Variants in KIF7 observed in about 807,000 individuals in gnomAD.
KIF7 encodes the protein kinesin family member 7, also known as kinesin-like protein KIF7.
A neutral mutation model predicts 135.7 loss-of-function variants in KIF7; 104 were observed. The observed-to-expected ratio is 0.77, with a 90% confidence interval of 0.65 to 0.90. KIF7 has a LOEUF of 0.90. Ranked by LOEUF, KIF7 falls within the 40% of genes least tolerant of loss-of-function variation. KIF7 has a pLI of 0.00. For missense variants in KIF7, 2,005 were observed against 1,839.1 expected (o/e 1.09, Z -1.65); for synonymous variants, 883 against 809.4 (o/e 1.09, Z -1.54).
chr15:89,649,260 G>A lies in KIF7; in HGVS notation c.637C>T (p.Leu213=). The A allele has an allele frequency of 6.5e-7, 1 of 1,526,942 alleles. No individual in the cohort carries two copies. The highest frequency in any genetic ancestry group is 8.8e-7 in the Non-Finnish European group (1 of 1,131,886). 94.6% of individuals were successfully genotyped at this position (1,526,942 alleles called of 1,614,324 possible). ...RHTGATHLNH[L]SSRSHTVFTV... is the part of the protein sequence containing the mutation. Reference sequence around the variant, plus strand: ...AAGACCGTGTGTGAGCGGCTAGACAGGTGGTTGAGGTGCGTGGCTCCCGTG... The same window carrying A: ...AAGACCGTGTGTGAGCGGCTAGACAAGTGGTTGAGGTGCGTGGCTCCCGTG... The change falls in exon 4 of 19, where the codon CTG becomes TTG. Residue 213 remains leucine, a synonymous_variant. Coordinates refer to ENST00000394412, the MANE Select transcript of KIF7 (RefSeq NM_198525.3).
upstream of KIF7, among the ~76,000 whole-genome samples, chr15:89,659,929 G>T (rs1169238903): frequency 6.6e-6 from 1 of 152,246 alleles, no homozygotes; most frequent in Non-Finnish European, 1.5e-5. Flanking sequence ...GGGCATGGTA[G>T]CTCATGCCTG....
chr15:89,624,703 A>C (rs199878677), downstream of KIF7: 12 of 1,613,730 alleles, frequency 7.4e-6, no homozygotes, highest in Non-Finnish European at 8.5e-7. Flanking sequence ...AGAGCATGTC[A>C]CTCTCCTCAG....
chr15:89,625,677 G>C (rs1963509183), downstream of KIF7: 1 of 1,613,690 alleles, frequency 6.2e-7, no homozygotes, highest in Non-Finnish European at 8.5e-7. Flanking sequence ...GAGCCAAAAG[G>C]ATCTGTGACC....
In KIF7 at chr15:89,646,033, G is replaced by T; in HGVS notation, c.1789-7C>A. Reference sequence around the variant, plus strand: ...CCCTGCCATTTGTCACCTGCTAGGGGAGTGAGCCATTTCCCATCCCAAGTC... The same window carrying T: ...CCCTGCCATTTGTCACCTGCTAGGGTAGTGAGCCATTTCCCATCCCAAGTC... On this transcript the variant is annotated splice_region_variant and splice_polypyrimidine_tract_variant and intron_variant, in intron 7 of 18. Coordinates refer to ENST00000394412, the MANE Select transcript of KIF7 (RefSeq NM_198525.3). 6.2e-7 allele frequency: 1 copy of T among 1,613,622 alleles called. No homozygotes were observed. The highest frequency in any genetic ancestry group is 8.5e-7 in the Non-Finnish European group (1 of 1,179,974).
intron 10 of KIF7, among the ~76,000 whole-genome samples, chr15:89,643,973 T>A (rs1963967158): frequency 6.6e-6 from 1 of 152,008 alleles, no homozygotes; most frequent in South Asian, 2.1e-4. Context: ...AAGTTCCTAT[T>A]TTTAAAGCAG....
At position 89,646,889 on chromosome 15, in the gene KIF7, C is replaced by A; in HGVS notation, c.1729G>T (p.Gly577Cys). 6.2e-7 allele frequency: 1 copy of A among 1,614,076 alleles called. No individual in the cohort carries two copies. Among genetic ancestry groups the A allele is most frequent in the African/African-American group, 1.3e-5 (1 of 75,014 alleles). The change falls in exon 7 of 19, where the codon GGC becomes TGC. Residue 577 changes from glycine (G) to cysteine (C), a missense_variant. By Grantham distance (159) the Gly-to-Cys change is radical. Transcript: ENST00000394412. ...PLGGAHAHVL[G>C]MVPPACLPGD... ...GGGAGGCAGGCAGGCGGCACCATGC[C>A]CAGCACATGGGCGTGGGCACCCCCC... is the stretch of plus-strand genomic sequence containing the variant.
upstream of KIF7, among the ~76,000 whole-genome samples, chr15:89,657,012 G>A (rs1964213669): frequency 6.6e-6 from 1 of 152,164 alleles, no homozygotes; most frequent in African/African-American, 2.4e-5. Flanking sequence ...CATGCTTTAA[G>A]AGGTACAATT....
At chr15:89,649,642 T>C in intron 3 of KIF7, 99 bp downstream of exon 3, 1 of 1,339,436 alleles carries the variant, frequency 7.5e-7, no homozygotes, top group Non-Finnish European at 1.0e-6. Flanking sequence ...GGGTTTTCCA[T>C]GAGGAGTTGC....
intron 1 of KIF7, among the ~76,000 whole-genome samples, chr15:89,654,040 T>C (rs1964167551): frequency 1.3e-5 from 2 of 151,952 alleles, no homozygotes. Flanking sequence ...GACGGAGTCT[T>C]GCTCTGTTGC....
rs1163910200 is a variant in KIF7 at position 89,648,604 on chromosome 15, G to A, written c.1094C>T (p.Pro365Leu). The change falls in exon 5 of 19, where the codon CCC (proline) becomes CTC (leucine). Residue 365 changes from proline to leucine, a missense_variant. Coordinates refer to ENST00000394412, the MANE Select transcript of KIF7 (RefSeq NM_198525.3). The part of the protein sequence containing the change: ...VNWRPEAERP[P>L]EETASGARGP... ...CCGCGCGCCGCTCGCCGTCTCTTCGGGTGGCCGCTCGGCCTCGGGCCGCCA... is the reference window on the plus strand; with the variant it reads ...CCGCGCGCCGCTCGCCGTCTCTTCGAGTGGCCGCTCGGCCTCGGGCCGCCA... 6.5e-7 allele frequency: 1 copy of A among 1,531,718 alleles called. No individual in the cohort carries two copies. The highest frequency in any genetic ancestry group is 1.2e-5 in the South Asian group (1 of 83,900). 94.9% of individuals were successfully genotyped at this position (1,531,718 alleles called of 1,614,324 possible).
Position 89,629,135 on chromosome 15 carries a change from G to A in KIF7, c.3518-13C>T, listed in dbSNP as rs955750866. ...TCACCGAGGTGGTCTAGAGTGGAAA[G>A]GTCGAGGAGAGGGTGGTGAGGGCTG... On this transcript the variant is annotated splice_polypyrimidine_tract_variant and intron_variant, in intron 17 of 18. Transcript: ENST00000394412. 1.9e-6 allele frequency: 3 copies of A among 1,611,524 alleles called. No individual in the cohort carries two copies. Among genetic ancestry groups the A allele is most frequent in the Non-Finnish European group, 2.5e-6 (3 of 1,179,684 alleles).
At chr15:89,627,514 T>C (rs1224588943), downstream of KIF7, 1 of 177,628 alleles carries the variant, frequency 5.6e-6, no homozygotes, top group Non-Finnish European at 1.2e-5. Context: ...TGTGAAGCCA[T>C]ATACGTGAAA....
Position 89,642,353 on chromosome 15 carries a change from C to G in KIF7, c.2244G>C (p.Leu748=), listed in dbSNP as rs1422665078. ...CCCGCACCTGCTCTGCCTCCTGCTC[C>G]AGCTCCCGGATACGCTGGCTGTGCT... The part of the protein sequence containing the change: ...NRQHSQRIRE[L]EQEAEQVRAE... The change falls in exon 11 of 19, where the codon CTG becomes CTC. Residue 748 remains leucine (L), a synonymous_variant. Transcript: ENST00000394412. 1 of 1,610,370 alleles carries G rather than the reference C, an allele frequency of 6.2e-7. No individual in the cohort carries two copies. Among genetic ancestry groups the G allele is most frequent in the Non-Finnish European group, 8.5e-7 (1 of 1,178,976 alleles).
exon 2 of KIF7, chr15:89,618,117 G>A: frequency 6.3e-7 from 1 of 1,598,186 alleles, no homozygotes; most frequent in Non-Finnish European, 8.6e-7. Context: ...ATTACAAGTG[G>A]TATGGAGTAA....
downstream of KIF7, chr15:89,623,979 C>A: frequency 6.2e-7 from 1 of 1,614,056 alleles, no homozygotes; most frequent in South Asian, 1.1e-5. Context: ...CAGAAAGCCC[C>A]TCCTGTCCAG....
intron 11 of KIF7, 118 bp from the exon 12 acceptor site, chr15:89,634,001 CAAT>C (rs1963746795): frequency 9.4e-7 from 1 of 1,060,732 alleles, no homozygotes; most frequent in Middle Eastern, 2.0e-4. Context: ...GGTGATAGAC[CAAT>C]AATAATAACA....
rs1414352215 is a variant in KIF7, at chr15:89,648,681, G to A, written c.1017C>T (p.Thr339=). Residue 339 remains threonine, a synonymous_variant, in exon 5 of 19, where the codon ACC becomes ACT. Transcript: ENST00000394412. ...SSSDFDETLN[T]LNYASRAQNI... ...TCTGGGCGCGGCTGGCGTAGTTGAG[G>A]GTGTTGAGGGTCTCGTCGAAGTCGG... The A allele has an allele frequency of 9.1e-6, 14 of 1,535,966 alleles. No homozygotes were observed. The highest frequency in any genetic ancestry group is 2.4e-5 in the South Asian group (2 of 84,052).
At chr15:89,624,626 G>A (rs2141984985), downstream of KIF7, 1 of 1,613,980 alleles carries the variant, frequency 6.2e-7, no homozygotes, top group Non-Finnish European at 8.5e-7. Flanking sequence ...GAAAGACGGG[G>A]CTACCCAGGC....
At chr15:89,631,391 CAGCAAGGCCCAGCACCCGCAGAGGGCTGG>C in intron 15 of KIF7, 75 bp downstream of exon 15, 1 of 1,076,362 alleles carries the variant, frequency 9.3e-7, no homozygotes, top group African/African-American at 1.6e-5. Flanking sequence ...GGTCTGCCGA[CAGCAAGGCCCAGCACCCGCAGAGGGCTGG>C]AGCAAGGGCT....
Sources: gnomAD v4.1 joint callset for allele counts (sites outside exome capture counted in the v4.1 genomes callset) on GRCh38, gnomAD v4.1.1 for gene constraint, MANE v1.5 for transcripts, NCBI Gene and HGNC (gene_info 2026-07-23, HGNC 2026-07-21) for gene names.